The following JMJD1C variants were observed in gnomAD, a reference collection of about 807,000 sequenced individuals.
JMJD1C encodes the protein jumonji domain containing 1C, also known as jumonji domain-containing protein 1C.
In JMJD1C, 31 loss-of-function variants were observed where a neutral mutation model predicts 245.3. The observed-to-expected ratio is 0.13, with a 90% CI of 0.09 to 0.17. The LOEUF is 0.17. JMJD1C is among the 10% of genes least tolerant of loss of function. The probability of loss-of-function intolerance (pLI) is 1.00; values close to 1 mark genes in which losing one functional copy is unlikely to be tolerated. For missense variants in JMJD1C, 2,691 were observed against 3,000.2 expected, an observed-to-expected ratio of 0.90 and a Z score of 2.41; for synonymous variants, 1,057 against 1,017.4, an observed-to-expected ratio of 1.04 and a Z score of -0.74.
chr10:63,435,698 G>C (rs559945047), intron 1 of JMJD1C, among the ~76,000 whole-genome samples: 1 of 152,054 alleles, frequency 6.6e-6, no homozygotes, highest in African/African-American at 2.4e-5. Flanking sequence ...TCAGGAGTTC[G>C]ACACGAATCT....
Position 63,183,521 on chromosome 10 carries a change from A to G in JMJD1C, c.7010T>C (p.Ile2337Thr). 6.2e-7 allele frequency: 1 copy of G among 1,607,104 alleles called. No homozygotes were observed. Among genetic ancestry groups the G allele is most frequent in the Non-Finnish European group, 8.5e-7 (1 of 1,175,556 alleles). Residue 2337 changes from isoleucine to threonine, a missense_variant, in exon 22 of 26, where the codon ATT becomes ACT. Physicochemically the swap from Ile to Thr is moderately conservative, Grantham distance 89. Coordinates refer to ENST00000399262, the MANE Select transcript of JMJD1C (RefSeq NM_032776.3). ...DHDIGTTNLH[I>T]EVSDVVNILV... is the part of the protein sequence containing the mutation. ...TATATTTACAACATCAGAAACTTCA[A>G]TATGGAGATTTGTTGTTCCTATATC...
chr10:63,461,639 T>C (rs1168933701), intron 1 of JMJD1C, among the ~76,000 whole-genome samples: 1 of 152,166 alleles, frequency 6.6e-6, no homozygotes, highest in Non-Finnish European at 1.5e-5. Context: ...GGATATCCCC[T>C]AAATACAAGC....
intron 1 of JMJD1C, among the ~76,000 whole-genome samples, chr10:63,445,104 A>G (rs1049893980): frequency 6.6e-6 from 1 of 151,964 alleles, no homozygotes; most frequent in African/African-American, 2.4e-5. Flanking sequence ...GTGGTGGTAC[A>G]CATCTGTAGT....
chr10:63,209,301 T>C lies in JMJD1C; in HGVS notation c.2695-66A>G, dbSNP rs1847039958. On this transcript the variant is annotated intron_variant, in intron 8 of 25. Transcript: ENST00000399262. The stretch of plus-strand genomic sequence containing the variant: ...TTACTAGAAAAAGCTAAACACCGTG[T>C]CACAGTAGAACTGGGTATGATCTTG... The C allele has an allele frequency of 2.2e-6, 3 of 1,369,318 alleles. No homozygotes were observed. The South Asian group carries it at 4.5e-5, about 21-fold the overall frequency. 84.8% of individuals were successfully genotyped at this position (1,369,318 alleles called of 1,614,324 possible). A position where few individuals can be genotyped will look rare whatever the true frequency, so the allele number is the denominator to read the frequency against.
chr10:63,393,705 C>G (rs952777688), intron 1 of JMJD1C, among the ~76,000 whole-genome samples: 2 of 151,980 alleles, frequency 1.3e-5, no homozygotes, highest in African/African-American at 4.8e-5. Context: ...CAAGATTTTT[C>G]TTCATCTACT....
chr10:63,218,459 T>C (rs1272060364), intron 4 of JMJD1C, among the ~76,000 whole-genome samples: 1 of 152,118 alleles, frequency 6.6e-6, no homozygotes, highest in African/African-American at 2.4e-5. Context: ...ATCCATTATA[T>C]GAACTTCAGT....
intron 2 of JMJD1C, among the ~76,000 whole-genome samples, chr10:63,279,619 A>G (rs1257478627): frequency 6.6e-6 from 1 of 152,178 alleles, no homozygotes; most frequent in Non-Finnish European, 1.5e-5. Context: ...AAATTTTTAA[A>G]TTAGCTGGGC....
At chr10:63,394,127 T>C (rs1391260542) in intron 1 of JMJD1C, among the ~76,000 whole-genome samples, 1 of 146,348 alleles carries the variant, frequency 6.8e-6, no homozygotes, top group Non-Finnish European at 1.5e-5. Context: ...GTAGTGGTTA[T>C]AGTGAGCCGA....
intron 1 of JMJD1C, among the ~76,000 whole-genome samples, chr10:63,485,588 A>G (rs1019767939): frequency 2.6e-5 from 4 of 152,228 alleles, no homozygotes; most frequent in African/African-American, 4.8e-5. Context: ...TATTAAAAAT[A>G]AATCCAAATT....
intron 2 of JMJD1C, among the ~76,000 whole-genome samples, chr10:63,265,055 A>C (rs945896494): frequency 3.9e-5 from 6 of 152,160 alleles, no homozygotes; most frequent in African/African-American, 1.4e-4. Context: ...GTGTGTAAAA[A>C]TGTCTGCTTA....
At chr10:63,427,542 G>A in intron 1 of JMJD1C, 6 of 1,390,258 alleles carry the variant, frequency 4.3e-6, no homozygotes, top group South Asian at 1.2e-5. Context: ...ACATCCTGGA[G>A]GACTCTATTG....
chr10:63,418,675 A>C (rs978461907), intron 1 of JMJD1C, among the ~76,000 whole-genome samples: 3 of 152,190 alleles, frequency 2.0e-5, no homozygotes, highest in African/African-American at 7.2e-5. Flanking sequence ...TTAAAAGGCC[A>C]CCCTACTGAA....
chr10:63,429,426 T>A (rs1950622278), intron 1 of JMJD1C, among the ~76,000 whole-genome samples: 1 of 152,224 alleles, frequency 6.6e-6, no homozygotes, highest in African/African-American at 2.4e-5. Context: ...CAATTTCCTT[T>A]CAAACATCTG....
intron 1 of JMJD1C, among the ~76,000 whole-genome samples, chr10:63,394,627 C>T (rs1948333290): frequency 6.6e-6 from 1 of 151,702 alleles, no homozygotes; most frequent in South Asian, 2.1e-4. Flanking sequence ...GATAGATCAC[C>T]TGAGGTTGGG....
intron 3 of JMJD1C, among the ~76,000 whole-genome samples, chr10:63,224,680 C>T (rs959868779): frequency 1.3e-5 from 2 of 152,132 alleles, no homozygotes; most frequent in African/African-American, 2.4e-5. Context: ...AATTAAGGGT[C>T]TGGAATTAAA....
intron 11 of JMJD1C, among the ~76,000 whole-genome samples, chr10:63,199,403 A>C (rs1190311121): frequency 6.6e-6 from 1 of 152,140 alleles, no homozygotes; most frequent in East Asian, 1.9e-4. Flanking sequence ...CTGATGTCTA[A>C]GATACAAGTC....
At chr10:63,427,003 T>C (rs1354916912) in intron 1 of JMJD1C, among the ~76,000 whole-genome samples, 2 of 152,230 alleles carry the variant, frequency 1.3e-5, no homozygotes, top group African/African-American at 4.8e-5. Flanking sequence ...GATTTAAAAA[T>C]AACTTTAAGA....
At chr10:63,488,135 A>G (rs1409680194) in intron 1 of JMJD1C, among the ~76,000 whole-genome samples, 1 of 152,158 alleles carries the variant, frequency 6.6e-6, no homozygotes, top group Non-Finnish European at 1.5e-5. Flanking sequence ...AGACTGGCCC[A>G]TATGTTTACA....
intron 1 of JMJD1C, among the ~76,000 whole-genome samples, chr10:63,433,669 T>G (rs1217316124): frequency 6.7e-6 from 1 of 150,298 alleles, no homozygotes; most frequent in Non-Finnish European, 1.5e-5. Context: ...CACTGCAGTT[T>G]CGACCTCTGG....
Sources: allele counts gnomAD v4.1 joint callset (sites outside exome capture counted in the v4.1 genomes callset), GRCh38; gene constraint gnomAD v4.1.1; transcripts MANE v1.5; gene names NCBI Gene and HGNC (gene_info 2026-07-23, HGNC 2026-07-21).